NBEA: variants seen among roughly 807,000 people sequenced by gnomAD.
The protein encoded by NBEA is neurobeachin.
A neutral mutation model predicts 343.4 loss-of-function variants in NBEA; 44 were observed. The ratio of observed to expected loss-of-function variants is 0.13; its 90% confidence interval spans 0.10 to 0.16. NBEA has a LOEUF of 0.16. Ranked by LOEUF, NBEA falls within the 10% of genes least tolerant of loss-of-function variation. NBEA has a pLI of 1.00. For missense variants in NBEA, 2,555 were observed against 3,631.3 expected (o/e 0.70, Z 7.62); for synonymous variants, 1,175 against 1,238.7 (o/e 0.95, Z 1.08).
At chr13:35,114,134 G>C (rs937937205) in intron 13 of NBEA, among the ~76,000 whole-genome samples, 12 of 152,056 alleles carry the variant, frequency 7.9e-5, no homozygotes, top group African/African-American at 2.7e-4. Flanking sequence ...TGTGCTTCTT[G>C]GTTTTTGAAT....
At chr13:35,119,227 A>G (rs1348989660) in intron 16 of NBEA, among the ~76,000 whole-genome samples, 2 of 152,170 alleles carry the variant, frequency 1.3e-5, no homozygotes, top group African/African-American at 2.4e-5. Flanking sequence ...TAGCTTTTTA[A>G]GGAATTCTTC....
At chr13:35,583,444 G>T (rs1385590330) in intron 45 of NBEA, among the ~76,000 whole-genome samples, 3 of 152,154 alleles carry the variant, frequency 2.0e-5, no homozygotes, top group African/African-American at 7.2e-5. Context: ...CATATGGAGG[G>T]TTGTCTTTCA....
At chr13:35,514,705 A>T (rs2077417221) in intron 41 of NBEA, among the ~76,000 whole-genome samples, 1 of 152,186 alleles carries the variant, frequency 6.6e-6, no homozygotes, top group South Asian at 2.1e-4. Flanking sequence ...CATTAGTGCA[A>T]ACAAAAAAGA....
At chr13:35,311,897 T>G (rs546294186) in intron 36 of NBEA, among the ~76,000 whole-genome samples, 31 of 152,294 alleles carry the variant, frequency 2.0e-4, no homozygotes, top group African/African-American at 7.2e-4. Context: ...TCTCTGAAAT[T>G]CTGTCCATTA....
intron 41 of NBEA, among the ~76,000 whole-genome samples, chr13:35,520,014 G>A (rs1471744917): frequency 1.3e-5 from 2 of 152,086 alleles, no homozygotes; most frequent in Non-Finnish European, 2.9e-5. Context: ...TGGGTTTCAT[G>A]GAAGATCATT....
chr13:35,205,950 A>G (rs2073367641), intron 31 of NBEA, among the ~76,000 whole-genome samples: 1 of 152,044 alleles, frequency 6.6e-6, no homozygotes, highest in African/African-American at 2.4e-5. Context: ...TGTGCCCAAT[A>G]CCACGTAGTA....
At chr13:35,030,739 G>T (rs1269578388) in intron 1 of NBEA, among the ~76,000 whole-genome samples, 1 of 151,552 alleles carries the variant, frequency 6.6e-6, no homozygotes, top group African/African-American at 2.4e-5. Flanking sequence ...AACAATAAAG[G>T]TTATAAAACC....
chr13:35,382,164 T>G (rs2042046966), intron 38 of NBEA, among the ~76,000 whole-genome samples: 1 of 152,120 alleles, frequency 6.6e-6, no homozygotes, highest in Non-Finnish European at 1.5e-5. Context: ...CATTTAGTAC[T>G]GAAAACCTGA....
intron 10 of NBEA, among the ~76,000 whole-genome samples, chr13:35,080,804 G>A (rs527431311): frequency 1.3e-5 from 2 of 152,280 alleles, no homozygotes; most frequent in South Asian, 4.1e-4. Context: ...CAATGTGGAA[G>A]TCAGGCATGA....
At chr13:35,021,076 A>G (rs1249478639) in intron 1 of NBEA, among the ~76,000 whole-genome samples, 1 of 152,056 alleles carries the variant, frequency 6.6e-6, no homozygotes, top group Non-Finnish European at 1.5e-5. Context: ...TTCTTTTTAT[A>G]AAGTCTAATT....
At chr13:35,370,738 A>G (rs1340212502) in intron 38 of NBEA, among the ~76,000 whole-genome samples, 3 of 151,994 alleles carry the variant, frequency 2.0e-5, no homozygotes, top group Non-Finnish European at 4.4e-5. Flanking sequence ...AGGTATTTTC[A>G]TGATTGGAGA....
chr13:35,373,536 C>T (rs748586232), intron 38 of NBEA, among the ~76,000 whole-genome samples: 1 of 145,104 alleles, frequency 6.9e-6, no homozygotes, highest in Non-Finnish European at 1.5e-5. Context: ...AAAACCCCAT[C>T]TCTATAAAAA....
chr13:35,344,831 A>G (rs2039783772), intron 36 of NBEA, among the ~76,000 whole-genome samples: 1 of 152,094 alleles, frequency 6.6e-6, no homozygotes, highest in Admixed American at 6.6e-5. Context: ...GTTCAAGTAA[A>G]ACTCTGTTCC....
At chr13:35,417,775 A>G (rs867683133) in intron 38 of NBEA, among the ~76,000 whole-genome samples, 1 of 152,040 alleles carries the variant, frequency 6.6e-6, no homozygotes, top group Admixed American at 6.6e-5. Flanking sequence ...GCTGAGTTCA[A>G]TTCCTGGATA....
intron 34 of NBEA, among the ~76,000 whole-genome samples, chr13:35,261,295 C>A (rs1050561655): frequency 6.6e-6 from 1 of 152,068 alleles, no homozygotes; most frequent in Non-Finnish European, 1.5e-5. Flanking sequence ...GGTGGATCAC[C>A]TAGGTAAGGA....
intron 34 of NBEA, among the ~76,000 whole-genome samples, chr13:35,258,034 A>G (rs1301744900): frequency 6.6e-6 from 1 of 152,158 alleles, no homozygotes; most frequent in Non-Finnish European, 1.5e-5. Flanking sequence ...TTTACATATA[A>G]TACAAATTTT....
chr13:35,641,819 A>G (rs1195487567), intron 49 of NBEA, among the ~76,000 whole-genome samples: 3 of 152,020 alleles, frequency 2.0e-5, no homozygotes, highest in Non-Finnish European at 2.9e-5. Context: ...GGTTAGAAGA[A>G]CTGAAAAAAT....
chr13:35,049,219 A>G (rs1176030921), intron 5 of NBEA, among the ~76,000 whole-genome samples: 2 of 151,932 alleles, frequency 1.3e-5, no homozygotes, highest in African/African-American at 4.8e-5. Context: ...GTATGCCAGT[A>G]ATACACAGTA....
Position 35,043,562 on chromosome 13 carries a change from A to C in NBEA, c.527-1385A>C, listed in dbSNP as rs1254007887. 4.6e-5 allele frequency among the ~76,000 whole-genome samples: 7 copies of C among 151,966 alleles called. No homozygotes were observed. In the East Asian group the frequency reaches 1.4e-3, roughly 29 times the overall value. ...TTTGTAGAAACACACTTTTTGACCT[A>C]TATGTACTAATATTTTAATACATTT... is the stretch of plus-strand genomic sequence containing the variant. On this transcript the variant is annotated intron_variant, in intron 2 of 58. Coordinates refer to ENST00000379939, the MANE Select transcript of NBEA (RefSeq NM_001385012.1).
Sources: allele counts gnomAD v4.1 joint callset (sites outside exome capture counted in the v4.1 genomes callset), GRCh38; gene constraint gnomAD v4.1.1; transcripts MANE v1.5; gene names NCBI Gene and HGNC (gene_info 2026-07-23, HGNC 2026-07-21).